The following ANO2 variants were observed in gnomAD, a reference collection of about 807,000 sequenced individuals.
The protein encoded by ANO2 is anoctamin 2.
A neutral mutation model predicts 124.2 loss-of-function variants in ANO2; 101 were observed. That is an observed-to-expected ratio of 0.81 (90% CI 0.69 to 0.96). The LOEUF is 0.96. ANO2 is among the 40% of genes least tolerant of loss of function. The pLI, the probability that ANO2 is intolerant of heterozygous loss-of-function variation, is 0.00. For missense variants in ANO2, 1,293 were observed against 1,274.5 expected (o/e 1.01, Z -0.22); for synonymous variants, 486 against 482.5 (o/e 1.01, Z -0.09).
At chr12:5,707,334 T>C (rs1283015431) in intron 14 of ANO2, among the ~76,000 whole-genome samples, 3 of 152,232 alleles carry the variant, frequency 2.0e-5, no homozygotes, top group Non-Finnish European at 4.4e-5. Context: ...CTTTATAAAC[T>C]ACTCAGTTTC....
intron 10 of ANO2, among the ~76,000 whole-genome samples, chr12:5,751,689 C>T (rs1951445818): frequency 6.6e-6 from 1 of 152,120 alleles, no homozygotes; most frequent in South Asian, 2.1e-4. Flanking sequence ...TGCTCTCACC[C>T]TTGTTTTGTT....
At chr12:5,572,293 C>T (rs950018125) in intron 23 of ANO2, among the ~76,000 whole-genome samples, 1 of 152,154 alleles carries the variant, frequency 6.6e-6, no homozygotes, top group Non-Finnish European at 1.5e-5. Flanking sequence ...TCCATCACTA[C>T]CTGACACACC....
intron 3 of ANO2, among the ~76,000 whole-genome samples, chr12:5,905,386 T>G (rs2136286464): frequency 6.6e-6 from 1 of 152,326 alleles, no homozygotes. Context: ...TTTTAAAGAT[T>G]AAATGAGTTA....
chr12:5,650,212 C>T (rs568285946), intron 14 of ANO2, among the ~76,000 whole-genome samples: 2 of 152,086 alleles, frequency 1.3e-5, no homozygotes, highest in Admixed American at 1.3e-4. Context: ...AGCTCAGAGA[C>T]CACCAAGGAA....
chr12:5,838,950 G>A lies in ANO2; in HGVS notation c.634-6347C>T, dbSNP rs143472623. On this transcript the variant is annotated intron_variant, in intron 4 of 24. Coordinates refer to ENST00000682330, the MANE Select transcript of ANO2 (RefSeq NM_001364791.2). ...TCTCCCAGCTTCTTCATCTCCGAAG[G>A]GAAAACAAGGGAAACTCTACTTCCT... Among the ~76,000 whole-genome samples, 578 of 152,264 alleles carry A rather than the reference G, an allele frequency of 3.8e-3. 3 individuals are homozygous for A. The highest frequency in any genetic ancestry group is 7.0e-3 in the Non-Finnish European group (479 of 68,022).
rs759793735 is a variant in ANO2 at position 5,577,923 on chromosome 12, A to G, written c.2439+32T>C. On this transcript the variant is annotated intron_variant, in intron 22 of 24. Coordinates refer to ENST00000682330, the MANE Select transcript of ANO2 (RefSeq NM_001364791.2). Reference sequence around the variant, plus strand: ...CAGCTTCTCTGGAAGCCCTTCCCACAGAGCGAGTGTGTCATGAATGCAAGT... The same window carrying G: ...CAGCTTCTCTGGAAGCCCTTCCCACGGAGCGAGTGTGTCATGAATGCAAGT... 10 of 1,605,854 alleles carry G rather than the reference A, an allele frequency of 6.2e-6. No individual in the cohort carries two copies. The East Asian group carries it at 2.0e-4, about 32-fold the overall frequency.
chr12:5,694,651 C>T (rs757666942), intron 14 of ANO2, among the ~76,000 whole-genome samples: 5 of 152,100 alleles, frequency 3.3e-5, no homozygotes, highest in African/African-American at 7.2e-5. Flanking sequence ...ATCAGAATAT[C>T]GATTTCAAAA....
intron 3 of ANO2, among the ~76,000 whole-genome samples, chr12:5,866,325 G>A (rs771059977): frequency 6.6e-6 from 1 of 152,222 alleles, no homozygotes; most frequent in Non-Finnish European, 1.5e-5. Flanking sequence ...AGATGGTTGA[G>A]CAGAAAGATA....
chr12:5,684,152 A>G (rs10774363), intron 14 of ANO2, among the ~76,000 whole-genome samples: 56,518 of 151,878 alleles, frequency 0.37, 12,239 homozygotes, highest in East Asian at 0.59. Flanking sequence ...CACCTCCACC[A>G]AGCCCTGGGG....
chr12:5,740,067 C>T (rs1008587165), intron 12 of ANO2: 3 of 437,230 alleles, frequency 6.9e-6, no homozygotes, highest in East Asian at 1.4e-4. Flanking sequence ...ACCCACGGCC[C>T]TTTGAAGGAC....
Position 5,577,974 on chromosome 12 carries a change from T to G in ANO2, c.2420A>C (p.Lys807Thr). 1 of 1,613,852 alleles carries G rather than the reference T, an allele frequency of 6.2e-7. No homozygotes were observed. The highest frequency in any genetic ancestry group is 8.5e-7 in the Non-Finnish European group (1 of 1,179,808). ...IWFDILSGIG[K>T]FSVISNAFVI... ...ACTTACGTTGCTGATAACAGAGAACTTGCCAATTCCAGAGAGAATGTCAAA... is the reference window on the plus strand; with the variant it reads ...ACTTACGTTGCTGATAACAGAGAACGTGCCAATTCCAGAGAGAATGTCAAA... Residue 807 changes from lysine to threonine, a missense_variant, in exon 22 of 25, where the codon AAG (lysine) becomes ACG (threonine). Coordinates refer to ENST00000682330, the MANE Select transcript of ANO2 (RefSeq NM_001364791.2).
intron 14 of ANO2, among the ~76,000 whole-genome samples, chr12:5,673,956 T>C (rs1948122350): frequency 5.3e-5 from 8 of 152,158 alleles, no homozygotes; most frequent in Admixed American, 5.2e-4. Flanking sequence ...AGAAGTCCTC[T>C]TCCAGGACCA....
At chr12:5,796,042 C>T (rs1952834162) in intron 10 of ANO2, among the ~76,000 whole-genome samples, 1 of 152,110 alleles carries the variant, frequency 6.6e-6, no homozygotes, top group African/African-American at 2.4e-5. Context: ...GCTGGAAGTG[C>T]CCAGGAGGTC....
chr12:5,865,968 T>G (rs1456291386), intron 3 of ANO2, among the ~76,000 whole-genome samples: 2 of 152,206 alleles, frequency 1.3e-5, no homozygotes. Context: ...CCCCTTTCAC[T>G]CACCAATAGT....
At chr12:5,868,624 TC>T (rs1169552055) in intron 3 of ANO2, among the ~76,000 whole-genome samples, 2 of 152,164 alleles carry the variant, frequency 1.3e-5, no homozygotes, top group East Asian at 1.9e-4. Context: ...TCCAGCATCC[TC>T]CCTTTTTTCC....
chr12:5,815,873 T>G (rs978181929), intron 7 of ANO2, among the ~76,000 whole-genome samples: 19 of 152,184 alleles, frequency 1.2e-4, no homozygotes, highest in African/African-American at 4.6e-4. Flanking sequence ...TACTTGTATA[T>G]AGGTTAAAGC....
intron 19 of ANO2, among the ~76,000 whole-genome samples, chr12:5,605,298 G>A (rs183883352): frequency 1.1e-3 from 172 of 152,256 alleles, no homozygotes; most frequent in Admixed American, 2.6e-3. Flanking sequence ...CCTCCCTCCC[G>A]TGTTGGCTTT....
At chr12:5,682,161 A>G (rs1591892740) in intron 14 of ANO2, among the ~76,000 whole-genome samples, 2 of 152,306 alleles carry the variant, frequency 1.3e-5, no homozygotes, top group Admixed American at 1.3e-4. Context: ...CCTATCCCAC[A>G]GTTTGGCATT....
chr12:5,817,294 T>C (rs964618501), intron 7 of ANO2, among the ~76,000 whole-genome samples: 6 of 152,246 alleles, frequency 3.9e-5, no homozygotes, highest in African/African-American at 1.4e-4. Flanking sequence ...GCAGAGAGGT[T>C]ATTTGTCCAT....
Sources: gnomAD v4.1 joint callset for allele counts (sites outside exome capture counted in the v4.1 genomes callset) on GRCh38, gnomAD v4.1.1 for gene constraint, MANE v1.5 for transcripts, NCBI Gene and HGNC (gene_info 2026-07-23, HGNC 2026-07-21) for gene names.